Variants in OR52A1 observed in about 807,000 individuals in gnomAD.
OR52A1 encodes olfactory receptor 52A1.
In OR52A1, 14 loss-of-function variants were observed where a neutral mutation model predicts 14.3. The observed-to-expected ratio is 0.98, with a 90% confidence interval of 0.65 to 1.54. OR52A1 has a LOEUF of 1.54. Among genes scored for constraint, OR52A1 ranks in the 40% most tolerant of loss-of-function variants. The pLI is 0.00. For synonymous variants in OR52A1, 151 were observed against 135.3 expected (o/e 1.12, Z -0.80); for missense variants, 405 against 381.3 (o/e 1.06, Z -0.52).
Position 5,150,347 on chromosome 11 carries a change from C to T in OR52A1, c.*1084G>A, listed in dbSNP as rs1846526870. On this transcript the variant is annotated 3_prime_UTR_variant, in exon 2 of 2. Coordinates refer to ENST00000380367, the MANE Select transcript of OR52A1 (RefSeq NM_012375.3). ...CAGCAACTCTGCACAACATTAATAG[C>T]CATTTTTGATATTCATATTTTCCTT... is the stretch of plus-strand genomic sequence containing the variant. 1 of 152,166 alleles carries T rather than the reference C, an allele frequency of 6.6e-6. No individual in the cohort carries two copies. Among genetic ancestry groups the T allele is most frequent in the African/African-American group, 2.4e-5 (1 of 41,510 alleles). 9.4% of individuals were successfully genotyped at this position (152,166 alleles called of 1,614,324 possible). A position where few individuals can be genotyped will look rare whatever the true frequency, so the allele number is the denominator to read the frequency against.
At chr11:5,153,717 G>A (rs1201840043) in intron 1 of OR52A1, among the ~76,000 whole-genome samples, 1 of 151,250 alleles carries the variant, frequency 6.6e-6, no homozygotes, top group Non-Finnish European at 1.5e-5. Context: ...CTTCAATAAA[G>A]TTGTTTTATC....
At position 5,149,299 on chromosome 11, in the gene OR52A1, C is replaced by T. The variant is rs1187770188; in HGVS notation, c.*2132G>A. 6.6e-6 allele frequency: 1 copy of T among 152,126 alleles called. No individual in the cohort carries two copies. The highest frequency in any genetic ancestry group is 1.5e-5 in the Non-Finnish European group (1 of 68,026). 9.4% of individuals were successfully genotyped at this position (152,126 alleles called of 1,614,324 possible). On this transcript the variant is annotated 3_prime_UTR_variant, in exon 2 of 2. Transcript: ENST00000380367. ...ATGGTGCAAATATGTTGTAGTTTCA[C>T]ATTGTGTCTCTTTGTTGGACCTATA...
In OR52A1 at chr11:5,151,083, T is replaced by G. The variant is rs1363417205; in HGVS notation, c.*348A>C. 5.9e-6 allele frequency: 1 copy of G among 170,812 alleles called. No individual in the cohort carries two copies. 10.6% of individuals were successfully genotyped at this position (170,812 alleles called of 1,614,324 possible). A position where few individuals can be genotyped will look rare whatever the true frequency, so the allele number is the denominator to read the frequency against. ...AACTTGTTTTCATTGAGTCCCTGGATGTTTCAGAACAACGAGCCTTAGGTG... is the reference window on the plus strand; with the variant it reads ...AACTTGTTTTCATTGAGTCCCTGGAGGTTTCAGAACAACGAGCCTTAGGTG... On this transcript the variant is annotated 3_prime_UTR_variant, in exon 2 of 2. Coordinates refer to ENST00000380367, the MANE Select transcript of OR52A1 (RefSeq NM_012375.3).
At position 5,152,260 on chromosome 11, in the gene OR52A1, T is replaced by A. The variant is rs374134927; in HGVS notation, c.110A>T (p.Tyr37Phe). 8 of 1,613,958 alleles carry A rather than the reference T, an allele frequency of 5.0e-6. No individual in the cohort carries two copies. The African/African-American group carries it at 9.3e-5, about 19-fold the overall frequency. The change falls in exon 2 of 2, where the codon TAT (tyrosine) becomes TTT (phenylalanine). Residue 37 changes from tyrosine to phenylalanine, a missense_variant. Coordinates refer to ENST00000380367, the MANE Select transcript of OR52A1 (RefSeq NM_012375.3). ...CWIGIPFCAI[Y>F]LIAMIGNSLL... Reference sequence around the variant, plus strand: ...GGAATTTCCAATCATAGCAATGAGATAAATGGCACAGAATGGAATCCCAAT... The same window carrying A: ...GGAATTTCCAATCATAGCAATGAGAAAAATGGCACAGAATGGAATCCCAAT...
Position 5,152,459 on chromosome 11 carries a change from T to A in OR52A1, c.-90A>T. The A allele has an allele frequency of 3.5e-6, 3 of 851,770 alleles. No homozygotes were observed. The highest frequency in any genetic ancestry group is 1.9e-5 in the South Asian group (1 of 53,886). 52.8% of individuals were successfully genotyped at this position (851,770 alleles called of 1,614,324 possible). A position where few individuals can be genotyped will look rare whatever the true frequency, so the allele number is the denominator to read the frequency against. ...TGCTTTCTGATTTTCTCCAAACTCA[T>A]TATATTGAGTCTGTCTGATTTGGGT... On this transcript the variant is annotated 5_prime_UTR_variant, in exon 2 of 2. The change abolishes an upstream ATG in the 5' untranslated region. Coordinates refer to ENST00000380367, the MANE Select transcript of OR52A1 (RefSeq NM_012375.3).
Position 5,154,608 on chromosome 11 carries a change from T to C in OR52A1, c.-483A>G, listed in dbSNP as rs1445433041. ...GTGCCAATATAATATACTGTGGACA[T>C]TTTGCAGATGACTTTTTACACTTTT... On this transcript the variant is annotated 5_prime_UTR_variant, in exon 1 of 2. It removes an upstream start codon present in the reference 5' UTR. Transcript: ENST00000380367. The C allele has an allele frequency of 6.6e-6, 1 of 152,220 alleles. No homozygotes were observed. The highest frequency in any genetic ancestry group is 1.5e-5 in the Non-Finnish European group (1 of 68,040). The allele number at this position is 152,220 out of a possible 1,614,324, so 9.4% of individuals were successfully genotyped here. A position where few individuals can be genotyped will look rare whatever the true frequency, so the allele number is the denominator to read the frequency against.
Position 5,149,619 on chromosome 11 carries a change from C to G in OR52A1, c.*1812G>C, listed in dbSNP as rs1379167362. 2 of 152,030 alleles carry G rather than the reference C, an allele frequency of 1.3e-5. No homozygotes were observed. The highest frequency in any genetic ancestry group is 2.9e-5 in the Non-Finnish European group (2 of 68,000). 9.4% of individuals were successfully genotyped at this position (152,030 alleles called of 1,614,324 possible). A position where few individuals can be genotyped will look rare whatever the true frequency, so the allele number is the denominator to read the frequency against. ...AAATTATTTGTGGACATACATTTTT[C>G]TATCTTGTTATATTAATGCCTACAT... On this transcript the variant is annotated 3_prime_UTR_variant, in exon 2 of 2. Transcript: ENST00000380367.
rs1231147723 is a variant in OR52A1, at chr11:5,152,478, T to A, written c.-109A>T. On this transcript the variant is annotated 5_prime_UTR_variant, in exon 2 of 2. Transcript: ENST00000380367. ...AACTCATTATATTGAGTCTGTCTGA[T>A]TTGGGTATAACTCTAAAATCATCCA... The A allele has an allele frequency of 1.3e-6, 1 of 750,230 alleles. No individual in the cohort carries two copies. Among genetic ancestry groups the A allele is most frequent in the Non-Finnish European group, 2.2e-6 (1 of 461,230 alleles). 46.5% of individuals were successfully genotyped at this position (750,230 alleles called of 1,614,324 possible). A position where few individuals can be genotyped will look rare whatever the true frequency, so the allele number is the denominator to read the frequency against.
At chr11:5,152,739 T>G in intron 1 of OR52A1, 49 bp from the exon 2 acceptor site, 1 of 184,494 alleles carries the variant, frequency 5.4e-6, no homozygotes, top group Non-Finnish European at 1.3e-5. Context: ...CATTGCATTT[T>G]AATTTGGTTA....
In OR52A1 at chr11:5,148,227, CT is replaced by C. The variant is rs59229196; in HGVS notation, c.*3203del. The stretch of plus-strand genomic sequence containing the variant: ...AGCTAGAAGGTTCAGTTCCTGAAAT[CT>C]TTTTTTTTTTTTTTTGAGACGGTGT... On this transcript the variant is annotated 3_prime_UTR_variant, in exon 2 of 2. Transcript: ENST00000380367. 0.89 allele frequency: 110,353 copies of C among 123,860 alleles called. 49,223 individuals are homozygous for C. Among genetic ancestry groups the C allele is most frequent in the Non-Finnish European group, 0.95 (53,297 of 56,198 alleles). 7.7% of individuals were successfully genotyped at this position (123,860 alleles called of 1,614,324 possible). A position where few individuals can be genotyped will look rare whatever the true frequency, so the allele number is the denominator to read the frequency against.
At position 5,151,274 on chromosome 11, in the gene OR52A1, A is replaced by C; in HGVS notation, c.*157T>G. On this transcript the variant is annotated 3_prime_UTR_variant, in exon 2 of 2. Transcript: ENST00000380367. ...TTTCATTAGTCACGTAGAATTCACA[A>C]TCCCACTGATTGATATGAGCCATGA... The C allele has an allele frequency of 1.6e-6, 1 of 633,534 alleles. No individual in the cohort carries two copies. Among genetic ancestry groups the C allele is most frequent in the East Asian group, 2.6e-5 (1 of 39,072 alleles). 39.2% of individuals were successfully genotyped at this position (633,534 alleles called of 1,614,324 possible).
rs1474257672 is a variant in OR52A1 at position 5,150,165 on chromosome 11, T to C, written c.*1266A>G. 2.0e-5 allele frequency: 3 copies of C among 151,826 alleles called. No homozygotes were observed. Among genetic ancestry groups the C allele is most frequent in the African/African-American group, 4.8e-5 (2 of 41,268 alleles). The allele number at this position is 151,826 out of a possible 1,614,324, so 9.4% of individuals were successfully genotyped here. A position where few individuals can be genotyped will look rare whatever the true frequency, so the allele number is the denominator to read the frequency against. ...CTCCTCTTCACTAACACAATAGCCC[T>C]AGACTTATTTATATTTGCTGTGTGG... On this transcript the variant is annotated 3_prime_UTR_variant, in exon 2 of 2. Coordinates refer to ENST00000380367, the MANE Select transcript of OR52A1 (RefSeq NM_012375.3).
rs1846500440 is a variant in OR52A1, at chr11:5,148,086, T to C, written c.*3345A>G. ...CATTGAAATGGAGACCGCTTAGGAA[T>C]ATCAGCATAGAAGGCTTGTTGCCAA... is the stretch of plus-strand genomic sequence containing the variant. On this transcript the variant is annotated 3_prime_UTR_variant, in exon 2 of 2. Coordinates refer to ENST00000380367, the MANE Select transcript of OR52A1 (RefSeq NM_012375.3). The C allele has an allele frequency of 6.6e-6, 1 of 152,164 alleles. No homozygotes were observed. The highest frequency in any genetic ancestry group is 1.5e-5 in the Non-Finnish European group (1 of 68,040). 9.4% of individuals were successfully genotyped at this position (152,164 alleles called of 1,614,324 possible).
In OR52A1 at chr11:5,152,430, C is replaced by A; in HGVS notation, c.-61G>T. 8.4e-7 allele frequency: 1 copy of A among 1,190,190 alleles called. No individual in the cohort carries two copies. Among genetic ancestry groups the A allele is most frequent in the East Asian group, 2.4e-5 (1 of 41,370 alleles). 73.7% of individuals were successfully genotyped at this position (1,190,190 alleles called of 1,614,324 possible). On this transcript the variant is annotated 5_prime_UTR_variant, in exon 2 of 2. Transcript: ENST00000380367. ...TTTCTCAGTCAGTGTTACTGTTCCT[C>A]TTCTGCTTTCTGATTTTCTCCAAAC...
Position 5,148,933 on chromosome 11 carries a change from T to G in OR52A1, c.*2498A>C, listed in dbSNP as rs921776926. On this transcript the variant is annotated 3_prime_UTR_variant, in exon 2 of 2. Coordinates refer to ENST00000380367, the MANE Select transcript of OR52A1 (RefSeq NM_012375.3). ...GGTAATAACTAGTGTTGTTAAGAAT[T>G]TAGGCAAACATTATTTTAGTCATTG... 1 of 152,218 alleles carries G rather than the reference T, an allele frequency of 6.6e-6. No individual in the cohort carries two copies. The highest frequency in any genetic ancestry group is 1.5e-5 in the Non-Finnish European group (1 of 68,034). The allele number at this position is 152,218 out of a possible 1,614,324, so 9.4% of individuals were successfully genotyped here. A position where few individuals can be genotyped will look rare whatever the true frequency, so the allele number is the denominator to read the frequency against.
At chr11:5,154,218 G>T (rs1388990772) in intron 1 of OR52A1, among the ~76,000 whole-genome samples, 1 of 152,152 alleles carries the variant, frequency 6.6e-6, no homozygotes, top group Non-Finnish European at 1.5e-5. Context: ...GCTGACATGT[G>T]AGTACTACCT....
rs752674580 is a variant in OR52A1, at chr11:5,151,721, T to G, written c.649A>C (p.Ile217Leu). ...AATATCTGGATGTAGGACAATGTGATGAATGTGAGGTCAAATCCTGCTACA... is the reference window on the plus strand; with the variant it reads ...AATATCTGGATGTAGGACAATGTGAGGAATGTGAGGTCAAATCCTGCTACA... ...FTVAGFDLTF[I>L]TLSYIQIFIT... The change falls in exon 2 of 2, where the codon ATC (isoleucine) becomes CTC (leucine). Residue 217 changes from isoleucine (I) to leucine (L), a missense_variant. Transcript: ENST00000380367. 1.2e-6 allele frequency: 2 copies of G among 1,614,176 alleles called. No individual in the cohort carries two copies. Among genetic ancestry groups the G allele is most frequent in the South Asian group, 2.2e-5 (2 of 91,072 alleles).
Position 5,151,328 on chromosome 11 carries a change from G to C in OR52A1, c.*103C>G, listed in dbSNP as rs1174655737. On this transcript the variant is annotated 3_prime_UTR_variant, in exon 2 of 2. Coordinates refer to ENST00000380367, the MANE Select transcript of OR52A1 (RefSeq NM_012375.3). ...TCTAAAACCAGCTATTGTGCTGGCA[G>C]ATTTCACAAACCCAGCATCTCAAAT... The C allele has an allele frequency of 8.3e-6, 8 of 964,076 alleles. No homozygotes were observed. The East Asian group carries it at 1.9e-4, about 23-fold the overall frequency. 59.7% of individuals were successfully genotyped at this position (964,076 alleles called of 1,614,324 possible).
rs1846534326 is a variant in OR52A1, at chr11:5,151,093, C to A, written c.*338G>T. 3 of 173,960 alleles carry A rather than the reference C, an allele frequency of 1.7e-5. No individual in the cohort carries two copies. Among genetic ancestry groups the A allele is most frequent in the African/African-American group, 4.8e-5 (2 of 41,928 alleles). The allele number at this position is 173,960 out of a possible 1,614,324, so 10.8% of individuals were successfully genotyped here. On this transcript the variant is annotated 3_prime_UTR_variant, in exon 2 of 2. Coordinates refer to ENST00000380367, the MANE Select transcript of OR52A1 (RefSeq NM_012375.3). ...CATTGAGTCCCTGGATGTTTCAGAA[C>A]AACGAGCCTTAGGTGCATTTAAATT... is the stretch of plus-strand genomic sequence containing the variant.
Sources: allele counts gnomAD v4.1 joint callset (sites outside exome capture counted in the v4.1 genomes callset), GRCh38; gene constraint gnomAD v4.1.1; transcripts MANE v1.5; gene names NCBI Gene and HGNC (gene_info 2026-07-23, HGNC 2026-07-21).